CD247: variants seen among roughly 807,000 people sequenced by gnomAD.
CD247 encodes T-cell surface glycoprotein CD3 zeta chain.
In CD247, 13 loss-of-function variants were observed where a neutral mutation model predicts 30.0. That is an observed-to-expected ratio of 0.43 (90% CI 0.28 to 0.69). CD247 has a LOEUF of 0.69. CD247 is among the 30% of genes least tolerant of loss of function. The pLI is 0.16. For missense variants in CD247, 193 were observed against 212.6 expected, an observed-to-expected ratio of 0.91 and a Z score of 0.57; for synonymous variants, 72 against 80.0, an observed-to-expected ratio of 0.90 and a Z score of 0.53.
At position 167,518,349 on chromosome 1, in the gene CD247, C is replaced by G. The variant is rs35864197; in HGVS notation, c.58+59G>C. ...CCACCCTCCACTACCCACACCCACTCCCCTACACATACACAAAGAGTTTCT... is the reference window on the plus strand; with the variant it reads ...CCACCCTCCACTACCCACACCCACTGCCCTACACATACACAAAGAGTTTCT... On this transcript the variant is annotated intron_variant, in intron 1 of 7. Coordinates refer to ENST00000362089, the MANE Select transcript of CD247 (RefSeq NM_198053.3). The G allele has an allele frequency of 0.18, 268,833 of 1,512,338 alleles. 25,912 individuals carry two copies. The highest frequency in any genetic ancestry group is 0.25 in the South Asian group (21,801 of 88,928). The allele number at this position is 1,512,338 out of a possible 1,614,324, so 93.7% of individuals were successfully genotyped here. A position where few individuals can be genotyped will look rare whatever the true frequency, so the allele number is the denominator to read the frequency against.
chr1:167,485,447 G>A (rs1336108067), intron 1 of CD247, among the ~76,000 whole-genome samples: 1 of 152,194 alleles, frequency 6.6e-6, no homozygotes, highest in East Asian at 1.9e-4. Flanking sequence ...TTTGGGTGGG[G>A]AAGCTCCCAT....
chr1:167,501,830 A>G (rs1221390174), intron 1 of CD247, among the ~76,000 whole-genome samples: 2 of 152,184 alleles, frequency 1.3e-5, no homozygotes, highest in African/African-American at 4.8e-5. Context: ...ACTTCAGACC[A>G]CTGTATGTGG....
chr1:167,469,775 G>A (rs1175675104), intron 1 of CD247, among the ~76,000 whole-genome samples: 1 of 152,022 alleles, frequency 6.6e-6, no homozygotes, highest in Non-Finnish European at 1.5e-5. Flanking sequence ...ATGGTCACTG[G>A]GGCACAGCCT....
intron 1 of CD247, among the ~76,000 whole-genome samples, chr1:167,511,863 G>A (rs1655402761): frequency 1.3e-5 from 2 of 151,982 alleles, no homozygotes; most frequent in South Asian, 2.1e-4. Flanking sequence ...CTTCATTTAC[G>A]AGAAGAGATA....
intron 1 of CD247, among the ~76,000 whole-genome samples, chr1:167,441,323 G>A (rs370292192): frequency 1.2e-3 from 187 of 152,246 alleles, no homozygotes; most frequent in African/African-American, 4.0e-3. Flanking sequence ...GCACTCTCCC[G>A]CCTAGGACAG....
chr1:167,518,264 A>C, intron 1 of CD247, 144 bp downstream of exon 1: 1 of 777,074 alleles, frequency 1.3e-6, no homozygotes, highest in Non-Finnish European at 2.2e-6. Context: ...CGGACCCCTC[A>C]CTGCTCACTT....
At chr1:167,481,290 A>G (rs1269349984) in intron 1 of CD247, among the ~76,000 whole-genome samples, 1 of 152,236 alleles carries the variant, frequency 6.6e-6, no homozygotes, top group East Asian at 1.9e-4. Context: ...CCCTCTCAAA[A>G]ACAAACAAAC....
At chr1:167,432,119 A>G (rs1214612) in intron 7 of CD247, among the ~76,000 whole-genome samples, 150,575 of 152,356 alleles carry the variant, frequency 0.99, 74,436 homozygotes, top group Middle Eastern at 1. Flanking sequence ...GAGGGCCCAG[A>G]CCTGCTCCAG....
chr1:167,437,693 T>C (rs754043155), intron 4 of CD247, among the ~76,000 whole-genome samples: 1 of 152,080 alleles, frequency 6.6e-6, no homozygotes, highest in Non-Finnish European at 1.5e-5. Flanking sequence ...ACAGGTAGCA[T>C]GATGTTTACC....
intron 1 of CD247, 68 bp from the exon 2 acceptor site, chr1:167,440,835 G>A (rs1651791663): frequency 1.0e-6 from 1 of 959,308 alleles, no homozygotes; most frequent in Admixed American, 1.9e-5. Flanking sequence ...TTACCCCAGG[G>A]TGGCACTAGG....
intron 1 of CD247, among the ~76,000 whole-genome samples, chr1:167,507,221 A>G (rs1171283521): frequency 6.6e-6 from 1 of 150,846 alleles, no homozygotes; most frequent in African/African-American, 2.4e-5. Flanking sequence ...GCCTGGCCTG[A>G]ATTTTTTTTT....
chr1:167,457,633 A>G (rs763307112), intron 1 of CD247: 1 of 152,276 alleles, frequency 6.6e-6, no homozygotes, highest in Non-Finnish European at 1.5e-5. Flanking sequence ...CTCCATCCAG[A>G]TACTGTCCTT....
chr1:167,474,752 CTTTT>C (rs1175876563), intron 1 of CD247, among the ~76,000 whole-genome samples: 5 of 123,274 alleles, frequency 4.1e-5, no homozygotes, highest in East Asian at 2.4e-4. Context: ...TTAAAACTGT[CTTTT>C]TTTTTTTTTT....
intron 1 of CD247, among the ~76,000 whole-genome samples, chr1:167,454,213 G>T (rs1228576349): frequency 1.3e-5 from 2 of 152,054 alleles, no homozygotes; most frequent in African/African-American, 2.4e-5. Flanking sequence ...GAAAAAACAC[G>T]TTAAAAATAT....
chr1:167,496,291 A>C (rs1331896678), intron 1 of CD247, among the ~76,000 whole-genome samples: 1 of 152,016 alleles, frequency 6.6e-6, no homozygotes, highest in Non-Finnish European at 1.5e-5. Flanking sequence ...CCATTCATCA[A>C]AGAAGCTATC....
rs760217462 is a variant in CD247, at chr1:167,431,762, A to G, written c.430-16T>C. On this transcript the variant is annotated splice_polypyrimidine_tract_variant and intron_variant, in intron 7 of 7. Transcript: ENST00000362089. ...TACTGAGACCCTGGCGTGAAAGCAA[A>G]TCAGAAAACAAAGAGTGGGTCAGTA... 2 of 1,613,244 alleles carry G rather than the reference A, an allele frequency of 1.2e-6. No individual in the cohort carries two copies. The highest frequency in any genetic ancestry group is 1.7e-5 in the Admixed American group (1 of 60,002).
At chr1:167,504,566 A>C (rs777632113) in intron 1 of CD247, among the ~76,000 whole-genome samples, 1 of 152,232 alleles carries the variant, frequency 6.6e-6, no homozygotes, top group Non-Finnish European at 1.5e-5. Flanking sequence ...GCATAGCCTA[A>C]CAGGACACAC....
intron 1 of CD247, among the ~76,000 whole-genome samples, chr1:167,498,774 C>T (rs1466646617): frequency 6.6e-6 from 1 of 152,186 alleles, no homozygotes; most frequent in Non-Finnish European, 1.5e-5. Context: ...TGAATCTATG[C>T]TCTTTGCACT....
At chr1:167,508,053 T>C (rs1655222343) in intron 1 of CD247, among the ~76,000 whole-genome samples, 1 of 152,142 alleles carries the variant, frequency 6.6e-6, no homozygotes, top group Non-Finnish European at 1.5e-5. Flanking sequence ...CAAGAAATTG[T>C]CATGAAGATC....
Sources: allele counts gnomAD v4.1 joint callset (sites outside exome capture counted in the v4.1 genomes callset), GRCh38; gene constraint gnomAD v4.1.1; transcripts MANE v1.5; gene names NCBI Gene and HGNC (gene_info 2026-07-23, HGNC 2026-07-21).